Variants in TAPT1 observed in about 807,000 individuals in gnomAD.
The protein encoded by TAPT1 is transmembrane anterior posterior transformation protein 1 homolog.
A neutral mutation model predicts 65.6 loss-of-function variants in TAPT1; 28 were observed. That is an observed-to-expected ratio of 0.43 (90% CI 0.32 to 0.59). TAPT1 has a LOEUF of 0.59. TAPT1 is among the 20% of genes least tolerant of loss of function. The pLI, the probability that TAPT1 is intolerant of heterozygous loss-of-function variation, is 0.09. For missense variants in TAPT1, 563 were observed against 679.9 expected, an observed-to-expected ratio of 0.83 and a Z score of 1.91; for synonymous variants, 278 against 245.2, an observed-to-expected ratio of 1.13 and a Z score of -1.25.
chr4:16,226,099 C>T (rs1401491165), intron 1 of TAPT1, 160 bp downstream of exon 1: 4 of 1,027,322 alleles, frequency 3.9e-6, no homozygotes, highest in Non-Finnish European at 4.7e-6. Flanking sequence ...GCCGCGGAGC[C>T]TCGGCAGCCT....
At chr4:16,193,111 A>G (rs898118956) in intron 3 of TAPT1, among the ~76,000 whole-genome samples, 8 of 152,228 alleles carry the variant, frequency 5.3e-5, no homozygotes, top group African/African-American at 1.9e-4. Context: ...TCAGTTAGAT[A>G]TTAATTTGGC....
chr4:16,170,545 C>A (rs1330176827), intron 12 of TAPT1, 108 bp downstream of exon 12: 3 of 706,370 alleles, frequency 4.2e-6, no homozygotes, highest in East Asian at 2.7e-5. Flanking sequence ...TGAATGGAAA[C>A]CCCTGGCATA....
chr4:16,196,203 A>G (rs369372827), intron 3 of TAPT1, among the ~76,000 whole-genome samples: 222 of 152,372 alleles, frequency 1.5e-3, no homozygotes, highest in African/African-American at 5.1e-3. Flanking sequence ...AGTTTGACTC[A>G]TATGTAACAG....
In TAPT1 at chr4:16,209,790, C is replaced by T. The variant is rs1019575467; in HGVS notation, c.330+3978G>A. 1.1e-4 allele frequency among the ~76,000 whole-genome samples: 17 copies of T among 152,262 alleles called. No individual in the cohort carries two copies. In the East Asian group the frequency reaches 2.5e-3, roughly 22 times the overall value. ...TTGTGAGGCTGTTGAATGGATTGAA[C>T]GCAAACACATGTAAAATGCCTAGGA... On this transcript the variant is annotated intron_variant, in intron 2 of 13. Transcript: ENST00000405303.
intron 11 of TAPT1, among the ~76,000 whole-genome samples, chr4:16,172,304 T>C (rs1232923151): frequency 1.3e-5 from 2 of 152,154 alleles, no homozygotes; most frequent in Non-Finnish European, 2.9e-5. Flanking sequence ...AAGTCAATTA[T>C]TATTTGGCAA....
chr4:16,190,786 C>T (rs192222540), intron 4 of TAPT1: 1 of 154,924 alleles, frequency 6.5e-6, no homozygotes, highest in Admixed American at 6.5e-5. Flanking sequence ...TGCAGATTTT[C>T]ATACGCTGAA....
chr4:16,188,640 G>A (rs1212054939), intron 4 of TAPT1, among the ~76,000 whole-genome samples: 4 of 147,754 alleles, frequency 2.7e-5, no homozygotes, highest in Non-Finnish European at 6.0e-5. Flanking sequence ...GGCACATCTG[G>A]CCGGGCACGG....
chr4:16,191,374 T>C lies in TAPT1; in HGVS notation c.599A>G (p.Tyr200Cys). Residue 200 changes from tyrosine to cysteine, a missense_variant, in exon 4 of 14, where the codon TAC (tyrosine) becomes TGC (cysteine). Around this residue, in one of 5 missense-constraint regions of TAPT1, gnomAD observed 217 missense variants for 317.5 expected, o/e 0.68. Transcript: ENST00000405303. ...GQSVIKLYII[Y>C]NMLEVADRLF... is the part of the protein sequence containing the mutation. ...CAAGGCCCTTACCTCCAGCATGTTG[T>C]AGATGATGTAGAGCTTGATGACGGA... The C allele has an allele frequency of 1.2e-6, 2 of 1,601,398 alleles. No individual in the cohort carries two copies. The highest frequency in any genetic ancestry group is 1.7e-5 in the Admixed American group (1 of 58,328).
chr4:16,204,423 A>G (rs910893442), intron 2 of TAPT1, among the ~76,000 whole-genome samples: 9 of 152,282 alleles, frequency 5.9e-5, no homozygotes, highest in African/African-American at 2.2e-4. Flanking sequence ...AACTGCAGAC[A>G]TATAATTTTA....
At chr4:16,216,948 G>A (rs1401271849) in intron 1 of TAPT1, among the ~76,000 whole-genome samples, 1 of 152,140 alleles carries the variant, frequency 6.6e-6, no homozygotes. Context: ...ACTGGACACA[G>A]GCCATCTCTT....
At chr4:16,199,880 G>A (rs1400241014) in intron 3 of TAPT1, among the ~76,000 whole-genome samples, 5 of 152,078 alleles carry the variant, frequency 3.3e-5, no homozygotes, top group African/African-American at 4.8e-5. Context: ...GTGTACCACC[G>A]TGCTGGTCTA....
intron 7 of TAPT1, among the ~76,000 whole-genome samples, chr4:16,180,895 T>C (rs529767405): frequency 6.6e-6 from 1 of 152,142 alleles, no homozygotes; most frequent in Non-Finnish European, 1.5e-5. Context: ...TGAAGCACTA[T>C]TTATTATGAG....
In TAPT1 at chr4:16,161,532, TC is replaced by T. The variant is rs1275205172; in HGVS notation, c.*1775del. The T allele has an allele frequency of 3.3e-4, 51 of 152,676 alleles. No homozygotes were observed. Among genetic ancestry groups the T allele is most frequent in the African/African-American group, 1.2e-3 (49 of 41,526 alleles). The allele number at this position is 152,676 out of a possible 1,614,324, so 9.5% of individuals were successfully genotyped here. On this transcript the variant is annotated 3_prime_UTR_variant, in exon 14 of 14. Transcript: ENST00000405303. ...ATCAGGGTTGTGTTTGGCAAAGCTT[TC>T]CCCAAACTATTCCATTCACGGTGGC... is the stretch of plus-strand genomic sequence containing the variant.
intron 2 of TAPT1, among the ~76,000 whole-genome samples, chr4:16,208,957 G>C (rs1265417966): frequency 6.6e-6 from 1 of 152,048 alleles, no homozygotes; most frequent in Non-Finnish European, 1.5e-5. Flanking sequence ...TCTGCCTCTG[G>C]GGCTCAAGCA....
At chr4:16,172,513 T>C (rs922098135) in intron 11 of TAPT1, among the ~76,000 whole-genome samples, 19 of 148,570 alleles carry the variant, frequency 1.3e-4, no homozygotes, top group Admixed American at 4.0e-4. Flanking sequence ...CCTCCATTTT[T>C]CCAAAATTCT....
intron 7 of TAPT1, among the ~76,000 whole-genome samples, chr4:16,184,371 T>C (rs1748881661): frequency 6.6e-6 from 1 of 152,220 alleles, no homozygotes; most frequent in Admixed American, 6.5e-5. Flanking sequence ...AATTGCTAAG[T>C]AGTATTCTAT....
chr4:16,168,280 T>C (rs930561060), intron 12 of TAPT1, among the ~76,000 whole-genome samples: 7 of 152,074 alleles, frequency 4.6e-5, no homozygotes, highest in African/African-American at 1.7e-4. Flanking sequence ...GCCCAGCTAA[T>C]TTTCTTTTTT....
intron 2 of TAPT1, among the ~76,000 whole-genome samples, chr4:16,210,899 C>A (rs1048608926): frequency 9.9e-5 from 15 of 152,178 alleles, no homozygotes; most frequent in African/African-American, 3.1e-4. Flanking sequence ...AAATTATATA[C>A]CCTTAGCTTA....
At chr4:16,218,071 A>G (rs915150993) in intron 1 of TAPT1, among the ~76,000 whole-genome samples, 9 of 152,252 alleles carry the variant, frequency 5.9e-5, no homozygotes, top group African/African-American at 2.2e-4. Context: ...ACATTACTGC[A>G]CAATCATTTT....
Sources: allele counts gnomAD v4.1 joint callset (sites outside exome capture counted in the v4.1 genomes callset), GRCh38; gene constraint gnomAD v4.1.1; regional missense constraint gnomAD v4.1.1; transcripts MANE v1.5; gene names NCBI Gene and HGNC (gene_info 2026-07-23, HGNC 2026-07-21).